Variants in ADNP observed in about 807,000 individuals in gnomAD.
The protein encoded by ADNP is activity-dependent neuroprotector homeobox protein.
In ADNP, 4 loss-of-function variants were observed where a neutral mutation model predicts 84.9. That is an observed-to-expected ratio of 0.05 (90% confidence interval 0.02 to 0.11). ADNP has a LOEUF of 0.11. Ranked by LOEUF, ADNP falls within the 10% of genes least tolerant of loss-of-function variation. The pLI is 1.00. For synonymous variants in ADNP, 554 were observed against 468.1 expected (o/e 1.18, Z -2.37); for missense variants, 1,132 against 1,326.0 (o/e 0.85, Z 2.27).
At position 50,931,034 on chromosome 20, in the gene ADNP, C is replaced by A. The variant is rs1345866247; in HGVS notation, c.-473G>T. The A allele has an allele frequency of 6.8e-6, 1 of 146,874 alleles. No homozygotes were observed. The highest frequency in any genetic ancestry group is 1.5e-5 in the Non-Finnish European group (1 of 65,686). 9.1% of individuals were successfully genotyped at this position (146,874 alleles called of 1,614,324 possible). A position where few individuals can be genotyped will look rare whatever the true frequency, so the allele number is the denominator to read the frequency against. ...GCGGCGGGCGCAGCAGAGCGGCGGG[C>A]GGCGGCGGCGTCGTCGAGCGGTGCA... On this transcript the variant is annotated 5_prime_UTR_variant, in exon 1 of 6. Coordinates refer to ENST00000621696, the MANE Select transcript of ADNP (RefSeq NM_001282531.3).
In ADNP at chr20:50,894,178, A is replaced by G. The variant is rs764825910; in HGVS notation, c.536T>C (p.Ile179Thr). ...TTCCCTGTAAATGTGCTTCCTAACT[A>G]TTTCATAAAGAGGATCTCGGTAAGT... ...KCTYRDPLYE[I>T]VRKHIYREHF... The change falls in exon 6 of 6, where the codon ATA becomes ACA. Residue 179 changes from isoleucine (I) to threonine (T), a missense_variant. Transcript: ENST00000621696. 2 of 1,614,020 alleles carry G rather than the reference A, an allele frequency of 1.2e-6. No homozygotes were observed. The highest frequency in any genetic ancestry group is 2.2e-5 in the South Asian group (2 of 91,070).
In ADNP at chr20:50,892,499, G is replaced by A. The variant is rs370143082; in HGVS notation, c.2215C>T (p.Pro739Ser). 3.1e-6 allele frequency: 5 copies of A among 1,614,190 alleles called. No homozygotes were observed. The highest frequency in any genetic ancestry group is 2.2e-5 in the East Asian group (1 of 44,878). The stretch of plus-strand genomic sequence containing the variant: ...TCAGGCTTCTCTTCAAAGAAGCTGG[G>A]TGAATCACTATCATCATCTAACTTT... ...KRKLDDDSDS[P>S]SFFEEKPEEP... is the part of the protein sequence containing the mutation. The change falls in exon 6 of 6, where the codon CCC becomes TCC. Residue 739 changes from proline to serine, a missense_variant. Transcript: ENST00000621696.
At chr20:50,905,759 C>G (rs1982416666) in intron 2 of ADNP, among the ~76,000 whole-genome samples, 1 of 152,202 alleles carries the variant, frequency 6.6e-6, no homozygotes, top group African/African-American at 2.4e-5. Context: ...TGCTAATAAT[C>G]TGCATATTGT....
Position 50,890,105 on chromosome 20 carries a change from A to G in ADNP, c.*1300T>C, listed in dbSNP as rs1980506241. The G allele has an allele frequency of 9.9e-6, 3 of 304,084 alleles. No homozygotes were observed. The highest frequency in any genetic ancestry group is 1.6e-4 in the South Asian group (1 of 6,180). 18.8% of individuals were successfully genotyped at this position (304,084 alleles called of 1,614,324 possible). A position where few individuals can be genotyped will look rare whatever the true frequency, so the allele number is the denominator to read the frequency against. ...GCTCCTTAACAAAAGGTGAACTGAA[A>G]AACTCAAGGGTGTTTGTTTTTCAGT... On this transcript the variant is annotated 3_prime_UTR_variant, in exon 6 of 6. Transcript: ENST00000621696.
chr20:50,925,730 TAGA>T (rs1310985689), intron 2 of ADNP, among the ~76,000 whole-genome samples: 1 of 152,216 alleles, frequency 6.6e-6, no homozygotes, highest in Non-Finnish European at 1.5e-5. Flanking sequence ...ACTAACAACA[TAGA>T]AGGTGTTAAC....
chr20:50,925,818 G>C (rs1003080274), intron 2 of ADNP, among the ~76,000 whole-genome samples: 3 of 152,158 alleles, frequency 2.0e-5, no homozygotes, highest in Non-Finnish European at 4.4e-5. Context: ...ACTAGGAGAG[G>C]GGCTGGGAGC....
intron 2 of ADNP, among the ~76,000 whole-genome samples, chr20:50,914,866 G>T (rs1983387225): frequency 6.6e-6 from 1 of 152,170 alleles, no homozygotes; most frequent in African/African-American, 2.4e-5. Context: ...CCCCAACCAT[G>T]AGATTTTATT....
chr20:50,894,072 A>G lies in ADNP; in HGVS notation c.642T>C (p.Asn214=). 3.1e-6 allele frequency: 5 copies of G among 1,614,198 alleles called. No homozygotes were observed. Among genetic ancestry groups the G allele is most frequent in the Non-Finnish European group, 4.2e-6 (5 of 1,180,008 alleles). The change falls in exon 6 of 6, where the codon AAT becomes AAC. Residue 214 remains asparagine, a synonymous_variant. Transcript: ENST00000621696. ...SLNGAVPLGS[N]AREESSIHCK... ...AGTGAATACTACTCTCTTCTCGGGCATTCGAGCCTAAGGGGACTGCCCCAT... is the reference window on the plus strand; with the variant it reads ...AGTGAATACTACTCTCTTCTCGGGCGTTCGAGCCTAAGGGGACTGCCCCAT...
Position 50,893,792 on chromosome 20 carries a change from A to G in ADNP, c.922T>C (p.Ser308Pro), listed in dbSNP as rs765085816. 1.9e-6 allele frequency: 3 copies of G among 1,614,116 alleles called. No homozygotes were observed. Among genetic ancestry groups the G allele is most frequent in the East Asian group, 2.2e-5 (1 of 44,898 alleles). The change falls in exon 6 of 6, where the codon TCA (serine) becomes CCA (proline). Residue 308 changes from serine (S) to proline (P), a missense_variant. By Grantham distance (74) the Ser-to-Pro change is moderately conservative. Transcript: ENST00000621696. This position sits in a 1 kb window ranked among gnomAD's most constrained non-coding sequence, Gnocchi z 4.4. ...GAATTTAAGTTAGGCTTTGGTATTG[A>G]GAGTCGATTCACCATCTGCTGTGAT... is the stretch of plus-strand genomic sequence containing the variant. ...LPSQQMVNRL[S>P]IPKPNLNSTG... is the part of the protein sequence containing the mutation.
chr20:50,923,031 G>C (rs1304439536), intron 2 of ADNP, among the ~76,000 whole-genome samples: 2 of 152,072 alleles, frequency 1.3e-5, no homozygotes, highest in African/African-American at 4.8e-5. Flanking sequence ...CACGTGTAAG[G>C]AGAGCAGGAG....
chr20:50,914,212 G>T, intron 2 of ADNP: 1 of 761,948 alleles, frequency 1.3e-6, no homozygotes, highest in Admixed American at 2.0e-5. Context: ...GTACTACAAA[G>T]CATCCACAAT....
chr20:50,906,876 T>C (rs1982528048), intron 2 of ADNP, among the ~76,000 whole-genome samples: 1 of 152,040 alleles, frequency 6.6e-6, no homozygotes, highest in Non-Finnish European at 1.5e-5. Flanking sequence ...CACTGCTTAC[T>C]GGGAAATGCT....
rs1026060253 is a variant in ADNP, at chr20:50,893,807, T to C, written c.907A>G (p.Met303Val). ...GNVRSLPSQQ[M>V]VNRLSIPKPN... ...TTTGGTATTGAGAGTCGATTCACCA[T>C]CTGCTGTGATGGTAAAGACCGGACA... Residue 303 changes from methionine to valine, a missense_variant, in exon 6 of 6, where the codon ATG becomes GTG. Met to Val is a conservative substitution (Grantham distance 21). Around this residue, in one of 10 missense-constraint regions of ADNP, gnomAD observed 239 missense variants for 213.2 expected, o/e 1.12. Transcript: ENST00000621696. The surrounding 1 kb of genome is among the most constrained non-coding windows in gnomAD (Gnocchi z 4.4). The C allele has an allele frequency of 7.4e-6, 12 of 1,614,070 alleles. No individual in the cohort carries two copies. The highest frequency in any genetic ancestry group is 1.3e-5 in the African/African-American group (1 of 74,932).
intron 2 of ADNP, among the ~76,000 whole-genome samples, chr20:50,928,211 T>C (rs536162516): frequency 1.0e-3 from 159 of 152,312 alleles, no homozygotes; most frequent in African/African-American, 3.6e-3. Context: ...TCCATAAACT[T>C]ATCTTGGTGT....
intron 2 of ADNP, among the ~76,000 whole-genome samples, chr20:50,907,509 C>G (rs533200580): frequency 1.3e-5 from 2 of 152,178 alleles, no homozygotes; most frequent in East Asian, 3.9e-4. Context: ...TCAGGTGATC[C>G]ACCTGCCTCA....
In ADNP at chr20:50,889,308, G is replaced by A. The variant is rs1339063233; in HGVS notation, c.*2097C>T. The stretch of plus-strand genomic sequence containing the variant: ...CTCAGAAGCCTGTTAATCAGGGAGG[G>A]TAATTTCCAAATAAATGTGAGCTGG... On this transcript the variant is annotated 3_prime_UTR_variant, in exon 6 of 6. Transcript: ENST00000621696. 5 of 152,158 alleles carry A rather than the reference G, an allele frequency of 3.3e-5. No individual in the cohort carries two copies. The highest frequency in any genetic ancestry group is 6.5e-5 in the Admixed American group (1 of 15,286). 9.4% of individuals were successfully genotyped at this position (152,158 alleles called of 1,614,324 possible).
chr20:50,919,971 A>C (rs78659517), intron 2 of ADNP, among the ~76,000 whole-genome samples: 4,788 of 152,190 alleles, frequency 0.031, 174 homozygotes, highest in Admixed American at 0.078. Context: ...ACATGATTCT[A>C]ATGGCACTTT....
rs1982310828 is a variant in ADNP, at chr20:50,904,761, C to T, written c.-6+5G>A. Reference sequence around the variant, plus strand: ...TTGAACATCTGAAAACAGAAAAATGCTTACCAGTTCATCATCATTACAGTT... The same window carrying T: ...TTGAACATCTGAAAACAGAAAAATGTTTACCAGTTCATCATCATTACAGTT... On this transcript the variant is annotated splice_donor_5th_base_variant and intron_variant, in intron 3 of 5. Transcript: ENST00000621696. 6.6e-6 allele frequency: 1 copy of T among 152,172 alleles called. No homozygotes were observed. The highest frequency in any genetic ancestry group is 6.5e-5 in the Admixed American group (1 of 15,276). 9.4% of individuals were successfully genotyped at this position (152,172 alleles called of 1,614,324 possible).
chr20:50,920,262 C>CAAAAAAAAAAAAAAAAAAA (rs56181933), intron 2 of ADNP, among the ~76,000 whole-genome samples: 2 of 64,544 alleles, frequency 3.1e-5, no homozygotes, highest in Non-Finnish European at 5.6e-5. Context: ...ATTCCACCTC[C>CAAAAAAAAAAAAAAAAAAA]AAAAAAAAAA....
Sources: allele counts gnomAD v4.1 joint callset (sites outside exome capture counted in the v4.1 genomes callset), GRCh38; gene constraint gnomAD v4.1.1; regional missense constraint gnomAD v4.1.1; non-coding constraint Gnocchi (gnomAD v3.1); transcripts MANE v1.5; gene names NCBI Gene and HGNC (gene_info 2026-07-23, HGNC 2026-07-21).